Variants in SPTBN2 observed in about 807,000 individuals in gnomAD.
SPTBN2 encodes spectrin beta chain, non-erythrocytic 2.
In SPTBN2, 107 loss-of-function variants were observed where a neutral mutation model predicts 284.2. The observed-to-expected ratio is 0.38, with a 90% CI of 0.32 to 0.44. The LOEUF (loss-of-function observed/expected upper bound fraction) is 0.44, where lower values mean the gene tolerates loss of function less well. Ranked by LOEUF, SPTBN2 falls within the 20% of genes least tolerant of loss-of-function variation. The pLI, the probability that SPTBN2 is intolerant of heterozygous loss-of-function variation, is 1.00. For missense variants in SPTBN2, 2,569 were observed against 3,287.1 expected (o/e 0.78, Z 5.34); for synonymous variants, 1,289 against 1,354.8 (o/e 0.95, Z 1.07).
chr11:66,715,119 G>A lies in SPTBN2; in HGVS notation c.483+103C>T. ...ATGGCAGCTGCTACATAAGGTTCTA[G>A]ATCCTCCATCTTTGTGTTTGTTGTG... is the stretch of plus-strand genomic sequence containing the variant. On this transcript the variant is annotated intron_variant, in intron 5 of 37. Coordinates refer to ENST00000533211, the MANE Select transcript of SPTBN2 (RefSeq NM_006946.4). The surrounding 1 kb of genome is among the most constrained non-coding windows in gnomAD (Gnocchi z 5.3). 2.7e-6 allele frequency: 4 copies of A among 1,466,810 alleles called. No homozygotes were observed. The highest frequency in any genetic ancestry group is 3.8e-6 in the Non-Finnish European group (4 of 1,055,406). The allele number at this position is 1,466,810 out of a possible 1,614,324, so 90.9% of individuals were successfully genotyped here. A position where few individuals can be genotyped will look rare whatever the true frequency, so the allele number is the denominator to read the frequency against.
In SPTBN2 at chr11:66,708,797, G is replaced by A; in HGVS notation, c.1191+105C>T. ...GAGTTTCAAGTTGGGGCAGCAGATA[G>A]TAGAACTTGGTGAAGGTCGACATGG... On this transcript the variant is annotated intron_variant, in intron 11 of 37. Transcript: ENST00000533211. This position sits in a 1 kb window ranked among gnomAD's most constrained non-coding sequence, Gnocchi z 4.4. 1 of 913,878 alleles carries A rather than the reference G, an allele frequency of 1.1e-6. No individual in the cohort carries two copies. 56.6% of individuals were successfully genotyped at this position (913,878 alleles called of 1,614,324 possible).
chr11:66,709,635 T>C (rs940177719), intron 10 of SPTBN2, among the ~76,000 whole-genome samples: 2 of 152,254 alleles, frequency 1.3e-5, no homozygotes, highest in African/African-American at 4.8e-5. Context: ...AGCTACATCT[T>C]TGTTTAATGT....
At position 66,707,578 on chromosome 11, in the gene SPTBN2, G is replaced by T; in HGVS notation, c.1591C>A (p.Leu531Met). The T allele has an allele frequency of 6.2e-7, 1 of 1,612,184 alleles. No individual in the cohort carries two copies. The part of the protein sequence containing the change: ...AARRERLLLN[L>M]ELQKVFQDLL... ...TCCTGGAACACCTTCTGCAGCTCCA[G>T]GTTGAGGAGGAGCCGCTCCCGCCGG... The change falls in exon 13 of 38, where the codon CTG becomes ATG. Residue 531 changes from leucine to methionine, a missense_variant. By Grantham distance (15) the Leu-to-Met change is conservative. Coordinates refer to ENST00000533211, the MANE Select transcript of SPTBN2 (RefSeq NM_006946.4). The surrounding 1 kb of genome is among the most constrained non-coding windows in gnomAD (Gnocchi z 4.9).
rs1218485160 is a variant in SPTBN2, at chr11:66,704,630, T to C, written c.2646A>G (p.Glu882=). 1.9e-6 allele frequency: 3 copies of C among 1,576,144 alleles called. No homozygotes were observed. The highest frequency in any genetic ancestry group is 2.6e-6 in the Non-Finnish European group (3 of 1,158,866). Reference sequence around the variant, plus strand: ...GCACGACCTCCAGGTCCTCCAGGCGTTCAGGCAGGGCCAGCCCGTTGAGCC... The same window carrying C: ...GCACGACCTCCAGGTCCTCCAGGCGCTCAGGCAGGGCCAGCCCGTTGAGCC... The part of the protein sequence containing the change: ...EQWLNGLALP[E]RLEDLEVVQQ... Residue 882 remains glutamate, a synonymous_variant, in exon 15 of 38, where the codon GAA becomes GAG. Transcript: ENST00000533211.
In SPTBN2 at chr11:66,718,621, G is replaced by T. The variant is rs1473309559; in HGVS notation, c.157+2463C>A. On this transcript the variant is annotated intron_variant, in intron 3 of 37. Coordinates refer to ENST00000533211, the MANE Select transcript of SPTBN2 (RefSeq NM_006946.4). This position sits in a 1 kb window ranked among gnomAD's most constrained non-coding sequence, Gnocchi z 4.8. ...CCCTGCTCACTCCGTTCCCATTCAT[G>T]CTGCCAGCTGCTAGTTACAGAGCCC... Among the ~76,000 whole-genome samples, 1 of 152,246 alleles carries T rather than the reference G, an allele frequency of 6.6e-6. No individual in the cohort carries two copies. The highest frequency in any genetic ancestry group is 1.5e-5 in the Non-Finnish European group (1 of 68,050).
chr11:66,730,364 G>A (rs1396629127), upstream of SPTBN2, among the ~76,000 whole-genome samples: 1 of 151,612 alleles, frequency 6.6e-6, no homozygotes, highest in East Asian at 2.0e-4. Context: ...CAGGTGGATC[G>A]CGAGGTCAGG....
At chr11:66,692,849 T>G in intron 25 of SPTBN2, 109 bp from the exon 26 acceptor site, 1 of 1,595,322 alleles carries the variant, frequency 6.3e-7, no homozygotes, top group South Asian at 1.1e-5. Context: ...TCGCCCACCC[T>G]GTGTTCCAGC....
At chr11:66,706,995 T>C (rs1461085708) in intron 13 of SPTBN2, among the ~76,000 whole-genome samples, 1 of 152,258 alleles carries the variant, frequency 6.6e-6, no homozygotes, top group Non-Finnish European at 1.5e-5. Flanking sequence ...TGACCAGGCC[T>C]GTAAGGCCCT....
intron 15 of SPTBN2, 107 bp from the exon 16 acceptor site, chr11:66,701,828 A>T (rs2135421012): frequency 6.6e-7 from 1 of 1,517,170 alleles, no homozygotes; most frequent in Admixed American, 1.7e-5. Context: ...CTTCACCAGG[A>T]GGCTTATCTG....
In SPTBN2 at chr11:66,705,209, C is replaced by T. The variant is rs1466659009; in HGVS notation, c.2067G>A (p.Glu689=). The stretch of plus-strand genomic sequence containing the variant: ...TCAGGGGCCCCAGCCGGCCGCTCAT[C>T]TCGCCCCGCAGGGCTGTGTGCTTGT... ...LLNKHTALRG[E]MSGRLGPLKL... Residue 689 remains glutamate (E), a synonymous_variant, in exon 15 of 38, where the codon GAG becomes GAA. Coordinates refer to ENST00000533211, the MANE Select transcript of SPTBN2 (RefSeq NM_006946.4). 6.5e-7 allele frequency: 1 copy of T among 1,541,230 alleles called. No homozygotes were observed. The highest frequency in any genetic ancestry group is 1.2e-5 in the South Asian group (1 of 85,066).
chr11:66,706,188 G>A (rs1244841929), intron 13 of SPTBN2, among the ~76,000 whole-genome samples: 6 of 152,226 alleles, frequency 3.9e-5, no homozygotes, highest in South Asian at 4.1e-4. Context: ...GCCGCTGCCC[G>A]CCTGGAAGAT....
chr11:66,727,669 T>G (rs753661262), intron 1 of SPTBN2, among the ~76,000 whole-genome samples: 8 of 151,808 alleles, frequency 5.3e-5, no homozygotes, highest in South Asian at 2.1e-4. Context: ...CCACACACTG[T>G]GGGGGAACAG....
chr11:66,707,829 G>C lies in SPTBN2; in HGVS notation c.1351-11C>G, dbSNP rs1432292831. On this transcript the variant is annotated splice_polypyrimidine_tract_variant and intron_variant, in intron 12 of 37. Transcript: ENST00000533211. This position sits in a 1 kb window ranked among gnomAD's most constrained non-coding sequence, Gnocchi z 4.9. ...CAGCCCAAAGTTGTCCTGTGTCGGGGGCAGGGAGAGGAGGTGTGGGGACCA... is the reference window on the plus strand; with the variant it reads ...CAGCCCAAAGTTGTCCTGTGTCGGGCGCAGGGAGAGGAGGTGTGGGGACCA... 6.2e-7 allele frequency: 1 copy of C among 1,606,920 alleles called. No individual in the cohort carries two copies. The highest frequency in any genetic ancestry group is 1.3e-5 in the African/African-American group (1 of 75,032).
At chr11:66,730,598 A>T (rs1428614617), upstream of SPTBN2, among the ~76,000 whole-genome samples, 1 of 151,574 alleles carries the variant, frequency 6.6e-6, no homozygotes, top group Non-Finnish European at 1.5e-5. Flanking sequence ...AAAAAAAAAA[A>T]TTAGAGAATC....
intron 1 of SPTBN2, among the ~76,000 whole-genome samples, chr11:66,721,695 T>G (rs759089128): frequency 6.6e-6 from 1 of 152,182 alleles, no homozygotes; most frequent in South Asian, 2.1e-4. Flanking sequence ...CAAACTGTTT[T>G]GAGCCCATGA....
At position 66,686,035 on chromosome 11, in the gene SPTBN2, G is replaced by C. The variant is rs754846058; in HGVS notation, c.7009C>G (p.Pro2337Ala). ...GTGCTGGGCACCACCGGCTCTTCAG[G>C]CTCTCCAGAGGCAGAAGACGCTGTG... Reference protein sequence around the residue: ...IATASSASGEPEEPVVPSTTR... With the variant: ...IATASSASGEAEEPVVPSTTR... The change falls in exon 38 of 38, where the codon CCT becomes GCT. Residue 2337 changes from proline (P) to alanine (A), a missense_variant. Physicochemically the swap from Pro to Ala is conservative, Grantham distance 27 (BLOSUM62 -1). This residue lies in a region of SPTBN2 where 1,130 missense variants were observed against 1,317.3 expected (regional missense o/e 0.86). Transcript: ENST00000533211. 1.2e-6 allele frequency: 2 copies of C among 1,613,636 alleles called. No homozygotes were observed. Among genetic ancestry groups the C allele is most frequent in the Non-Finnish European group, 1.7e-6 (2 of 1,179,884 alleles).
chr11:66,735,880 A>G (rs972116847), intron 1 of SPTBN2, among the ~76,000 whole-genome samples: 6 of 152,236 alleles, frequency 3.9e-5, no homozygotes, highest in African/African-American at 1.2e-4. Context: ...AAAGAAAATG[A>G]CATATTTCCT....
At chr11:66,744,073 C>T (rs1942929775) in intron 1 of SPTBN2, among the ~76,000 whole-genome samples, 1 of 152,108 alleles carries the variant, frequency 6.6e-6, no homozygotes, top group Non-Finnish European at 1.5e-5. Flanking sequence ...GTTGGCCAGG[C>T]TGGTCTCGAA....
In SPTBN2 at chr11:66,693,301, C is replaced by T. The variant is rs758372977; in HGVS notation, c.4739G>A (p.Arg1580Gln). Residue 1580 changes from arginine (R) to glutamine (Q), a missense_variant, in exon 24 of 38, where the codon CGA (arginine) becomes CAA (glutamine). By Grantham distance (43) the Arg-to-Gln change is conservative. Transcript: ENST00000533211. This position sits in a 1 kb window ranked among gnomAD's most constrained non-coding sequence, Gnocchi z 5.7. Reference sequence around the variant, plus strand: ...CAGGGCATCCTCCAGTCGCTTCCCTCGAAGTTCCAGCTCGTGGCCCAGGCG... The same window carrying T: ...CAGGGCATCCTCCAGTCGCTTCCCTTGAAGTTCCAGCTCGTGGCCCAGGCG... The part of the protein sequence containing the change: ...WKRLGHELEL[R>Q]GKRLEDALRA... 2.5e-6 allele frequency: 4 copies of T among 1,613,276 alleles called. No individual in the cohort carries two copies. Among genetic ancestry groups the T allele is most frequent in the Non-Finnish European group, 3.4e-6 (4 of 1,180,040 alleles).
Sources: gnomAD v4.1 joint callset for allele counts (sites outside exome capture counted in the v4.1 genomes callset) on GRCh38, gnomAD v4.1.1 for gene constraint, gnomAD v4.1.1 regional missense constraint, Gnocchi (gnomAD v3.1) non-coding constraint, MANE v1.5 for transcripts, NCBI Gene and HGNC (gene_info 2026-07-23, HGNC 2026-07-21) for gene names.